TMEM45B: variants seen among roughly 807,000 people sequenced by gnomAD.
TMEM45B encodes the protein transmembrane protein 45B.
A neutral mutation model predicts 27.3 loss-of-function variants in TMEM45B; 29 were observed. The ratio of observed to expected loss-of-function variants is 1.06; its 90% CI spans 0.79 to 1.45. The LOEUF is 1.45. Ranked by LOEUF, TMEM45B falls within the 40% of genes most tolerant of loss-of-function variation. The probability of loss-of-function intolerance (pLI) is 0.00; values close to 1 mark genes in which losing one functional copy is unlikely to be tolerated. For synonymous variants in TMEM45B, 143 were observed against 134.7 expected, an observed-to-expected ratio of 1.06 and a Z score of -0.43; for missense variants, 348 against 343.9, an observed-to-expected ratio of 1.01 and a Z score of -0.09.
At chr11:129,824,382 T>G (rs1395168686) in intron 1 of TMEM45B, among the ~76,000 whole-genome samples, 1 of 152,162 alleles carries the variant, frequency 6.6e-6, no homozygotes, top group Non-Finnish European at 1.5e-5. Flanking sequence ...AAAATGAAAA[T>G]CATTTTTCCA....
At position 129,838,486 on chromosome 11, in the gene TMEM45B, G is replaced by A. The variant is rs1291171974; in HGVS notation, c.-8-13989G>A. 4.6e-5 allele frequency among the ~76,000 whole-genome samples: 7 copies of A among 152,094 alleles called. No homozygotes were observed. In the South Asian group the frequency reaches 6.2e-4, roughly 14 times the overall value. ...TTTTATCTTAATTTTTTTGTGAGAC[G>A]GAGTTTCGCTCTTGTCGCTCTTCTT... On this transcript the variant is annotated intron_variant, in intron 1 of 5. Transcript: ENST00000281441.
chr11:129,849,431 G>A (rs1196338247), intron 1 of TMEM45B, among the ~76,000 whole-genome samples: 1 of 152,146 alleles, frequency 6.6e-6, no homozygotes, highest in African/African-American at 2.4e-5. Context: ...AACACACTGG[G>A]GTGGGTGTTG....
chr11:129,857,791 A>G (rs1366750542), intron 5 of TMEM45B, among the ~76,000 whole-genome samples: 2 of 152,292 alleles, frequency 1.3e-5, no homozygotes, highest in African/African-American at 4.8e-5. Flanking sequence ...TTCTGGACCC[A>G]TCATCTTATT....
chr11:129,841,099 G>C (rs4937464), intron 1 of TMEM45B, among the ~76,000 whole-genome samples: 1 of 151,942 alleles, frequency 6.6e-6, no homozygotes, highest in African/African-American at 2.4e-5. Flanking sequence ...AAAACTACTA[G>C]ATCTTCAGGC....
chr11:129,819,712 C>G (rs564422078), intron 1 of TMEM45B, among the ~76,000 whole-genome samples: 2 of 151,988 alleles, frequency 1.3e-5, no homozygotes, highest in Non-Finnish European at 2.9e-5. Flanking sequence ...TGCACCACCA[C>G]GCCCAGCTAA....
chr11:129,828,327 T>C (rs1190383220), intron 1 of TMEM45B: 1 of 152,202 alleles, frequency 6.6e-6, no homozygotes, highest in Non-Finnish European at 1.5e-5. Context: ...CTTCAGACTC[T>C]TTCTGGTCTT....
chr11:129,847,446 T>A (rs1947777524), intron 1 of TMEM45B, among the ~76,000 whole-genome samples: 2 of 151,706 alleles, frequency 1.3e-5, no homozygotes, highest in African/African-American at 2.4e-5. Context: ...TCTTGGGTGT[T>A]TCTCGCAGAG....
In TMEM45B at chr11:129,815,877, G is replaced by C; in HGVS notation, c.-30G>C. On this transcript the variant is annotated 5_prime_UTR_variant, in exon 1 of 6. Coordinates refer to ENST00000281441, the MANE Select transcript of TMEM45B (RefSeq NM_138788.5). ...TTGGCGCGCGGCGCGGGCTGCAGAC[G>C]GCTGCGAGGCGCTGGGCACAGGTCA... The C allele has an allele frequency of 7.7e-7, 1 of 1,305,306 alleles. No individual in the cohort carries two copies. The highest frequency in any genetic ancestry group is 9.7e-7 in the Non-Finnish European group (1 of 1,035,166). The allele number at this position is 1,305,306 out of a possible 1,614,324, so 80.9% of individuals were successfully genotyped here.
chr11:129,857,578 C>A (rs1947948651), intron 5 of TMEM45B, 120 bp downstream of exon 5: 3 of 1,145,158 alleles, frequency 2.6e-6, no homozygotes, highest in East Asian at 4.8e-5. Flanking sequence ...TACTCTCATG[C>A]AGGGAAGGTA....
chr11:129,826,472 C>T (rs941738634), intron 1 of TMEM45B, among the ~76,000 whole-genome samples: 1 of 145,610 alleles, frequency 6.9e-6, no homozygotes, highest in Non-Finnish European at 1.5e-5. Flanking sequence ...TGGTGTGAAC[C>T]CGGGAGGCAG....
intron 1 of TMEM45B, among the ~76,000 whole-genome samples, chr11:129,823,316 C>T (rs1947442823): frequency 6.6e-6 from 1 of 152,138 alleles, no homozygotes; most frequent in African/African-American, 2.4e-5. Flanking sequence ...GTGAAGGGAA[C>T]AGATACTACG....
intron 1 of TMEM45B, among the ~76,000 whole-genome samples, chr11:129,818,031 A>C (rs1221691386): frequency 6.6e-6 from 1 of 152,182 alleles, no homozygotes; most frequent in Non-Finnish European, 1.5e-5. Context: ...TCATAAGACA[A>C]ACACTAGATT....
At chr11:129,852,078 G>T (rs1298389482) in intron 1 of TMEM45B, among the ~76,000 whole-genome samples, 2 of 152,088 alleles carry the variant, frequency 1.3e-5, no homozygotes, top group African/African-American at 4.8e-5. Flanking sequence ...GCATGTTTCT[G>T]ATTTGTTGTT....
chr11:129,854,961 G>A, intron 3 of TMEM45B, 145 bp downstream of exon 3: 1 of 903,512 alleles, frequency 1.1e-6, no homozygotes, highest in Admixed American at 2.4e-5. Context: ...ACCTGAATAG[G>A]ACCTAGTGCT....
At chr11:129,848,726 A>G (rs559965074) in intron 1 of TMEM45B, among the ~76,000 whole-genome samples, 183 of 152,322 alleles carry the variant, frequency 1.2e-3, no homozygotes, top group African/African-American at 4.2e-3. Flanking sequence ...TGCTGCTACA[A>G]CAAAATACCA....
chr11:129,833,409 A>G (rs2135568212), intron 1 of TMEM45B, among the ~76,000 whole-genome samples: 1 of 152,238 alleles, frequency 6.6e-6, no homozygotes, highest in African/African-American at 2.4e-5. Flanking sequence ...TGGAGACAGG[A>G]TCTTTAAAGA....
intron 1 of TMEM45B, among the ~76,000 whole-genome samples, chr11:129,839,838 A>G (rs1390490000): frequency 6.6e-6 from 1 of 152,148 alleles, no homozygotes; most frequent in African/African-American, 2.4e-5. Context: ...CCTGACCTAA[A>G]AGCACTATCT....
At chr11:129,857,951 C>A (rs191523937) in intron 5 of TMEM45B, among the ~76,000 whole-genome samples, 12 of 152,280 alleles carry the variant, frequency 7.9e-5, no homozygotes, top group African/African-American at 2.6e-4. Context: ...GCACTTGCTG[C>A]GCCCCAGGCC....
At position 129,858,561 on chromosome 11, in the gene TMEM45B, T is replaced by A; in HGVS notation, c.717-13T>A. 1 of 1,568,062 alleles carries A rather than the reference T, an allele frequency of 6.4e-7. No homozygotes were observed. The highest frequency in any genetic ancestry group is 1.3e-5 in the African/African-American group (1 of 74,530). ...TCTCTGGCTAATTGGCTCTTACTCT[T>A]TCTCTATTAAAGCCTTTTGACTCGG... On this transcript the variant is annotated splice_polypyrimidine_tract_variant and intron_variant, in intron 5 of 5. Coordinates refer to ENST00000281441, the MANE Select transcript of TMEM45B (RefSeq NM_138788.5).
Sources: gnomAD v4.1 joint callset for allele counts (sites outside exome capture counted in the v4.1 genomes callset) on GRCh38, gnomAD v4.1.1 for gene constraint, MANE v1.5 for transcripts, NCBI Gene and HGNC (gene_info 2026-07-23, HGNC 2026-07-21) for gene names.